The following AR variants were observed in gnomAD, a reference collection of about 807,000 sequenced individuals.
AR encodes the protein dihydrotestosterone receptor.
Under a neutral mutation model 53.9 loss-of-function variants are expected in AR, and 8 were observed. The ratio of observed to expected loss-of-function variants is 0.15; its 90% CI spans 0.09 to 0.27. AR has a LOEUF of 0.27. AR is among the 10% of genes least tolerant of loss of function. The probability of loss-of-function intolerance (pLI) is 1.00; values close to 1 mark genes in which losing one functional copy is unlikely to be tolerated. For synonymous variants in AR, 359 were observed against 316.4 expected (o/e 1.13, Z -1.43); for missense variants, 639 against 742.5 (o/e 0.86, Z 1.62).
chrX:67,550,955 C>G (rs1214577544), intron 1 of AR, among the ~76,000 whole-genome samples: 2 of 106,252 alleles, frequency 1.9e-5, no homozygotes, highest in Non-Finnish European at 3.8e-5. Context: ...CAGTATCTCT[C>G]CCTTAAGACT....
At chrX:67,627,738 T>A (rs1408339150) in intron 1 of AR, among the ~76,000 whole-genome samples, 2 of 111,822 alleles carry the variant, frequency 1.8e-5, no homozygotes, top group African/African-American at 6.5e-5. Context: ...TGGTAATGCC[T>A]AGGTTTTCTT....
At chrX:67,618,512 C>T (rs1215072981) in intron 1 of AR, among the ~76,000 whole-genome samples, 3 of 110,947 alleles carry the variant, frequency 2.7e-5, no homozygotes, top group South Asian at 3.8e-4. Flanking sequence ...GCCCAAGCAG[C>T]GTCAAGGCTA....
chrX:67,617,124 G>A (rs1174637466), intron 1 of AR, among the ~76,000 whole-genome samples: 1 of 111,775 alleles, frequency 8.9e-6, no homozygotes, highest in Non-Finnish European at 1.9e-5. Context: ...TGCTTGCTAA[G>A]TCACTTAGCT....
In AR at chrX:67,569,066, G is replaced by C. The variant is rs766839245; in HGVS notation, c.1616+22304G>C. ...GAAAACTTAGAACTCAGTTTCTAGG[G>C]TAGTGAGTGTTGTAAGGTTTGGACT... is the stretch of plus-strand genomic sequence containing the variant. On this transcript the variant is annotated intron_variant, in intron 1 of 7. Coordinates refer to ENST00000374690, the MANE Select transcript of AR (RefSeq NM_000044.6). The C allele has an allele frequency of 1.5e-4, 171 of 1,177,622 alleles. 2 individuals carry two copies. The East Asian group carries it at 4.7e-3, about 32-fold the overall frequency.
chrX:67,637,622 G>C (rs972909250), intron 1 of AR, among the ~76,000 whole-genome samples: 2 of 108,905 alleles, frequency 1.8e-5, no homozygotes, highest in Non-Finnish European at 3.8e-5. Flanking sequence ...ATTGTGAATA[G>C]TGCCGCAATA....
At chrX:67,641,889 G>C (rs1179469759) in intron 1 of AR, among the ~76,000 whole-genome samples, 9 of 99,437 alleles carry the variant, frequency 9.1e-5, no homozygotes, top group Non-Finnish European at 1.6e-4. Flanking sequence ...TCTGATGACT[G>C]TGCTGAACAT....
chrX:67,670,361 AT>A (rs911423557), intron 2 of AR, among the ~76,000 whole-genome samples: 288 of 100,736 alleles, frequency 2.9e-3, no homozygotes, highest in African/African-American at 9.9e-3. Flanking sequence ...TTATTAAAAA[AT>A]AGTATTATTT....
rs149824273 is a variant in AR, at chrX:67,655,056, T to A, written c.1768+11649T>A. Among the ~76,000 whole-genome samples the A allele has an allele frequency of 6.0e-4, 65 of 107,488 alleles. No individual in the cohort carries two copies. The East Asian group carries it at 0.019, about 31-fold the overall frequency. The allele number at this position is 107,488 out of a possible 115,157, so 93.3% of individuals were successfully genotyped here. On this transcript the variant is annotated intron_variant, in intron 2 of 7. Coordinates refer to ENST00000374690, the MANE Select transcript of AR (RefSeq NM_000044.6). ...CTGCTTCCCATAGGTTAACTTTACA[T>A]CCCTCTGTCTTCACCCACTCTTCAG...
intron 1 of AR, among the ~76,000 whole-genome samples, chrX:67,603,024 A>G (rs1395632739): frequency 9.0e-6 from 1 of 111,685 alleles, no homozygotes; most frequent in Non-Finnish European, 1.9e-5. Flanking sequence ...GACATGTATT[A>G]TTAATTTTAG....
chrX:67,708,954 G>A (rs771326913), intron 3 of AR, among the ~76,000 whole-genome samples: 2 of 111,978 alleles, frequency 1.8e-5, no homozygotes, highest in East Asian at 2.8e-4. Context: ...TCAGAACAGC[G>A]AATATTGCTG....
chrX:67,564,058 G>A (rs1322019558), intron 1 of AR, among the ~76,000 whole-genome samples: 1 of 111,700 alleles, frequency 9.0e-6, no homozygotes, highest in Non-Finnish European at 1.9e-5. Flanking sequence ...AAGCCTCTTA[G>A]CATATAGGGA....
intron 2 of AR, among the ~76,000 whole-genome samples, chrX:67,654,245 C>G (rs1304539185): frequency 9.0e-6 from 1 of 111,270 alleles, no homozygotes; most frequent in Non-Finnish European, 1.9e-5. Context: ...TATCCTTTTC[C>G]TAGAGTGAGT....
At chrX:67,586,554 G>A (rs1432478350) in intron 1 of AR, among the ~76,000 whole-genome samples, 1 of 112,007 alleles carries the variant, frequency 8.9e-6, no homozygotes, top group African/African-American at 3.2e-5. Context: ...CATGCCCTTC[G>A]CATATAGTAG....
At chrX:67,677,742 T>G (rs974526251) in intron 2 of AR, among the ~76,000 whole-genome samples, 2 of 111,646 alleles carry the variant, frequency 1.8e-5, no homozygotes, top group Non-Finnish European at 3.8e-5. Flanking sequence ...TGTTATTGAC[T>G]CATTGTGTAA....
chrX:67,610,380 T>C (rs998429616), intron 1 of AR, among the ~76,000 whole-genome samples: 1 of 110,772 alleles, frequency 9.0e-6, no homozygotes, highest in Admixed American at 9.7e-5. Context: ...TTTTAACTAA[T>C]ACAAGTAATA....
intron 3 of AR, among the ~76,000 whole-genome samples, chrX:67,700,997 G>T (rs1392862675): frequency 9.0e-6 from 1 of 111,200 alleles, no homozygotes; most frequent in Admixed American, 9.6e-5. Flanking sequence ...GTGGGGTATT[G>T]CAAATGGGAA....
chrX:67,685,566 C>A (rs779012403), intron 2 of AR, among the ~76,000 whole-genome samples: 1 of 111,384 alleles, frequency 9.0e-6, no homozygotes, highest in Non-Finnish European at 1.9e-5. Context: ...AAATAAGCAT[C>A]TTATTAGCTC....
chrX:67,682,085 A>G (rs187705991), intron 2 of AR, among the ~76,000 whole-genome samples: 15 of 111,687 alleles, frequency 1.3e-4, no homozygotes, highest in Non-Finnish European at 2.6e-4. Flanking sequence ...TCAACACAAT[A>G]AAGGCCATAT....
intron 1 of AR, among the ~76,000 whole-genome samples, chrX:67,589,046 C>T (rs148726909): frequency 1.9e-3 from 217 of 112,629 alleles, no homozygotes; most frequent in African/African-American, 6.7e-3. Flanking sequence ...TCTTGGCAGG[C>T]ACATACAGCA....
Sources: allele counts gnomAD v4.1 joint callset (sites outside exome capture counted in the v4.1 genomes callset), GRCh38; gene constraint gnomAD v4.1.1; transcripts MANE v1.5; gene names NCBI Gene and HGNC (gene_info 2026-07-23, HGNC 2026-07-21).